The following YEATS2 variants were observed in gnomAD, a reference collection of about 807,000 sequenced individuals.
YEATS2 encodes the protein YEATS domain-containing protein 2.
A neutral mutation model predicts 163.2 loss-of-function variants in YEATS2; 77 were observed. That is an observed-to-expected ratio of 0.47 (90% CI 0.39 to 0.57). The LOEUF (loss-of-function observed/expected upper bound fraction) is 0.57, where lower values mean the gene tolerates loss of function less well. YEATS2 is among the 20% of genes least tolerant of loss of function. The probability of loss-of-function intolerance (pLI) is 0.00; values close to 1 mark genes in which losing one functional copy is unlikely to be tolerated. For synonymous variants in YEATS2, 631 were observed against 645.1 expected, an observed-to-expected ratio of 0.98 and a Z score of 0.33; for missense variants, 1,549 against 1,729.8, an observed-to-expected ratio of 0.90 and a Z score of 1.85.
intron 19 of YEATS2, among the ~76,000 whole-genome samples, chr3:183,779,747 G>T (rs1309312187): frequency 6.6e-6 from 1 of 151,804 alleles, no homozygotes; most frequent in Non-Finnish European, 1.5e-5. Flanking sequence ...CGCCAGGCTG[G>T]AGTGCAGTGG....
At chr3:183,739,144 T>C (rs558097049) in intron 8 of YEATS2, among the ~76,000 whole-genome samples, 1 of 152,284 alleles carries the variant, frequency 6.6e-6, no homozygotes, top group South Asian at 2.1e-4. Context: ...TGCATTTCTC[T>C]GATTAGGAAA....
intron 30 of YEATS2, among the ~76,000 whole-genome samples, chr3:183,809,853 T>C (rs907614487): frequency 1.2e-4 from 18 of 152,230 alleles, no homozygotes. Flanking sequence ...CCTGAGGACA[T>C]GAAGGGCCTA....
chr3:183,778,107 G>A (rs1170225306), intron 19 of YEATS2, among the ~76,000 whole-genome samples: 50 of 111,970 alleles, frequency 4.5e-4, no homozygotes, highest in African/African-American at 1.7e-3. Context: ...GCAAGATTCT[G>A]TCTCAAAAAA....
intron 7 of YEATS2, among the ~76,000 whole-genome samples, chr3:183,729,726 C>CAGTG (rs1237398689): frequency 6.6e-6 from 1 of 151,688 alleles, no homozygotes; most frequent in Non-Finnish European, 1.5e-5. Context: ...GGCTAGAGTG[C>CAGTG]AGTGGTGTGC....
At chr3:183,775,492 G>C (rs573583437) in intron 17 of YEATS2, among the ~76,000 whole-genome samples, 7 of 152,206 alleles carry the variant, frequency 4.6e-5, no homozygotes, top group Non-Finnish European at 7.3e-5. Context: ...CTCCTTGGGA[G>C]GCTGAGGCAG....
At chr3:183,752,447 C>T (rs1409027747) in intron 10 of YEATS2, among the ~76,000 whole-genome samples, 194 bp downstream of exon 10, 1 of 152,118 alleles carries the variant, frequency 6.6e-6, no homozygotes. Context: ...CTGTGGTTCA[C>T]ACCTGTAATC....
chr3:183,777,315 A>G (rs1013141102), intron 18 of YEATS2, among the ~76,000 whole-genome samples: 1 of 152,250 alleles, frequency 6.6e-6, no homozygotes, highest in Non-Finnish European at 1.5e-5. Context: ...AGTTTTCAAC[A>G]GGCTGCTCTG....
intron 28 of YEATS2, 148 bp from the exon 29 acceptor site, chr3:183,807,882 T>C (rs1726379775): frequency 1.7e-6 from 1 of 597,432 alleles, no homozygotes; most frequent in Non-Finnish European, 3.0e-6. Context: ...ATATTCCGTG[T>C]TCCTTTCCCG....
chr3:183,810,582 G>T lies in YEATS2; in HGVS notation c.4268G>T (p.Ter1423LeuextTer3). The change falls in exon 31 of 31, where the codon TGA becomes TTA. Residue 1423 changes from the stop codon to leucine (L), a stop_lost. Transcript: ENST00000305135. Reference sequence around the variant, plus strand: ...ATGGGAATATTGAATGAGGACCAGTGAGCGGAGTGAGGTGCCCTGGAGAAG... The same window carrying T: ...ATGGGAATATTGAATGAGGACCAGTTAGCGGAGTGAGGTGCCCTGGAGAAG... ...KHMGILNEDQ* is the reference protein window; with the variant it reads ...KHMGILNEDQL 1 of 1,613,480 alleles carries T rather than the reference G, an allele frequency of 6.2e-7. No individual in the cohort carries two copies. Among genetic ancestry groups the T allele is most frequent in the South Asian group, 1.1e-5 (1 of 91,022 alleles).
intron 19 of YEATS2, among the ~76,000 whole-genome samples, chr3:183,780,579 G>A (rs926775329): frequency 2.0e-5 from 3 of 152,100 alleles, no homozygotes; most frequent in African/African-American, 4.8e-5. Context: ...TGGATTTGGC[G>A]CTGAGAGGAG....
chr3:183,757,867 G>A (rs547816166), intron 12 of YEATS2, among the ~76,000 whole-genome samples: 3 of 151,586 alleles, frequency 2.0e-5, no homozygotes, highest in Admixed American at 6.6e-5. Flanking sequence ...AGTACCTTTC[G>A]AACATACTTA....
chr3:183,787,884 T>G (rs1169190824), intron 20 of YEATS2, among the ~76,000 whole-genome samples: 3 of 150,912 alleles, frequency 2.0e-5, no homozygotes, highest in Non-Finnish European at 2.9e-5. Context: ...GCGCCTGTAG[T>G]CCCAGCTACT....
In YEATS2 at chr3:183,702,170, C is replaced by T. The variant is rs778604257; in HGVS notation, c.-20+4177C>T. On this transcript the variant is annotated intron_variant, in intron 1 of 30. Transcript: ENST00000305135. ...TGGAAACAATCTGCATCAGGCCAGC[C>T]GCGGTGGCTCATACCTGTAGTCCCA... 3.9e-5 allele frequency among the ~76,000 whole-genome samples: 6 copies of T among 152,164 alleles called. No individual in the cohort carries two copies. In the East Asian group the frequency reaches 1.2e-3, roughly 29 times the overall value.
Position 183,777,669 on chromosome 3 carries a change from T to C in YEATS2, c.2705T>C (p.Ile902Thr). The C allele has an allele frequency of 6.2e-7, 1 of 1,614,124 alleles. No individual in the cohort carries two copies. Residue 902 changes from isoleucine to threonine, a missense_variant, in exon 19 of 31, where the codon ATC becomes ACC. By Grantham distance (89) the Ile-to-Thr change is moderately conservative. Coordinates refer to ENST00000305135, the MANE Select transcript of YEATS2 (RefSeq NM_018023.5). ...SAQGQQTLKV[I>T]SGQKTTLFTQ... ...CAAGGACAACAAACGCTAAAAGTCATCTCTGGACAGAAAACCACATTGTTT... is the reference window on the plus strand; with the variant it reads ...CAAGGACAACAAACGCTAAAAGTCACCTCTGGACAGAAAACCACATTGTTT...
chr3:183,750,256 G>A (rs1399257747), intron 9 of YEATS2, among the ~76,000 whole-genome samples: 6 of 152,174 alleles, frequency 3.9e-5, no homozygotes, highest in Non-Finnish European at 5.9e-5. Context: ...ATTGTGCCCC[G>A]CCCCTCTTCC....
intron 5 of YEATS2, 140 bp from the exon 6 acceptor site, chr3:183,724,279 G>C: frequency 3.3e-6 from 2 of 604,592 alleles, no homozygotes; most frequent in Non-Finnish European, 5.7e-6. Flanking sequence ...AATGCTTTGA[G>C]AGGTGCTACA....
At chr3:183,711,787 AAG>A (rs777234543) in intron 1 of YEATS2, among the ~76,000 whole-genome samples, 1 of 151,696 alleles carries the variant, frequency 6.6e-6, no homozygotes, top group Non-Finnish European at 1.5e-5. Flanking sequence ...GAACTGGACT[AAG>A]AGCTGAGGGA....
At chr3:183,750,903 C>T (rs1209015210) in intron 9 of YEATS2, among the ~76,000 whole-genome samples, 1 of 152,090 alleles carries the variant, frequency 6.6e-6, no homozygotes, top group Non-Finnish European at 1.5e-5. Context: ...TATATTTTTG[C>T]CTTTTCACTC....
chr3:183,811,739 A>C lies in YEATS2; in HGVS notation c.*1156A>C, dbSNP rs1726818918. 4 of 152,234 alleles carry C rather than the reference A, an allele frequency of 2.6e-5. No individual in the cohort carries two copies. Among genetic ancestry groups the C allele is most frequent in the Admixed American group, 2.6e-4 (4 of 15,272 alleles). The allele number at this position is 152,234 out of a possible 1,614,324, so 9.4% of individuals were successfully genotyped here. ...GAGGCGCCCCATCTCAGACTTCCTA[A>C]CACAGCCTGTGTGGAAGGCAGAACA... On this transcript the variant is annotated 3_prime_UTR_variant, in exon 31 of 31. Coordinates refer to ENST00000305135, the MANE Select transcript of YEATS2 (RefSeq NM_018023.5).
Sources: allele counts gnomAD v4.1 joint callset (sites outside exome capture counted in the v4.1 genomes callset), GRCh38; gene constraint gnomAD v4.1.1; transcripts MANE v1.5; gene names NCBI Gene and HGNC (gene_info 2026-07-23, HGNC 2026-07-21).